NUDT1: variants seen among roughly 807,000 people sequenced by gnomAD.
NUDT1 encodes the protein oxidized purine nucleoside triphosphate hydrolase.
A neutral mutation model predicts 11.3 loss-of-function variants in NUDT1; 16 were observed. The ratio of observed to expected loss-of-function variants is 1.41; its 90% CI spans 0.96 to 2.15. The LOEUF (loss-of-function observed/expected upper bound fraction) is 2.15, where lower values mean the gene tolerates loss of function less well. Ranked by LOEUF, NUDT1 falls within the 30% of genes most tolerant of loss-of-function variation. The pLI is 0.00. For missense variants in NUDT1, 234 were observed against 208.4 expected, an observed-to-expected ratio of 1.12 and a Z score of -0.76; for synonymous variants, 101 against 84.4, an observed-to-expected ratio of 1.20 and a Z score of -1.08.
At chr7:2,249,758 C>G in intron 2 of NUDT1, 99 bp from the exon 3 acceptor site, 1 of 1,517,368 alleles carries the variant, frequency 6.6e-7, no homozygotes, top group African/African-American at 1.4e-5. Context: ...TGGTGGCTCC[C>G]TGGGCTGTGT....
rs772557320 is a variant in NUDT1 at position 2,244,722 on chromosome 7, A to G, written c.148A>G (p.Arg50Gly). Reference protein sequence around the residue: ...QEGETIEDGARRELQEESGLT... With the variant: ...QEGETIEDGAGRELQEESGLT... ...AGGAGAGACCATCGAGGATGGGGCT[A>G]GGAGGTAAGGATGGGGCAGGTCTGG... The change falls in exon 2 of 4, where the codon AGG (arginine) becomes GGG (glycine). Residue 50 changes from arginine to glycine, a missense_variant. By Grantham distance (125) the Arg-to-Gly change is moderately radical. Coordinates refer to ENST00000356714, the MANE Select transcript of NUDT1 (RefSeq NM_002452.4). The G allele has an allele frequency of 2.0e-5, 32 of 1,608,608 alleles. No individual in the cohort carries two copies. The South Asian group carries it at 2.9e-4, about 15-fold the overall frequency.
intron 1 of NUDT1, 85 bp from the exon 2 acceptor site, chr7:2,244,478 G>T: frequency 1.6e-6 from 1 of 628,610 alleles, no homozygotes; most frequent in Non-Finnish European, 2.5e-6. Context: ...CTGCCTCCCA[G>T]AGCACGTCCC....
intron 2 of NUDT1, among the ~76,000 whole-genome samples, chr7:2,248,605 G>A (rs1794861784): frequency 6.7e-6 from 1 of 148,654 alleles, no homozygotes; most frequent in African/African-American, 2.5e-5. Context: ...AGGCTGGAGT[G>A]CAGTGGAGTA....
intron 2 of NUDT1, among the ~76,000 whole-genome samples, chr7:2,247,227 G>T (rs1296007179): frequency 6.6e-6 from 1 of 152,144 alleles, no homozygotes; most frequent in Non-Finnish European, 1.5e-5. Context: ...GCTGGTTCCT[G>T]CTTTATCCAC....
intron 1 of NUDT1, chr7:2,243,181 A>G (rs1794620123): frequency 1.7e-6 from 1 of 575,300 alleles, no homozygotes; most frequent in African/African-American, 1.9e-5. Context: ...CTTGACGTCC[A>G]GCGGCTTGTG....
intron 1 of NUDT1, chr7:2,242,891 T>C: frequency 1.4e-6 from 1 of 702,528 alleles, no homozygotes; most frequent in South Asian, 1.5e-5. Context: ...CTCCCTGCCT[T>C]ATCGCAAGGA....
rs534511159 is a variant in NUDT1, at chr7:2,246,991, A to T, written c.152+2265A>T. On this transcript the variant is annotated intron_variant, in intron 2 of 3. Coordinates refer to ENST00000356714, the MANE Select transcript of NUDT1 (RefSeq NM_002452.4). ...TCTGCAAGCATGAGGAATGGGGGAC[A>T]CTGGAGCCAGACAGGCTGGTGCTTA... Among the ~76,000 whole-genome samples, 5 of 151,650 alleles carry T rather than the reference A, an allele frequency of 3.3e-5. No individual in the cohort carries two copies. In the South Asian group the frequency reaches 1.0e-3, roughly 32 times the overall value.
chr7:2,242,305 G>A, intron 1 of NUDT1, 49 bp downstream of exon 1: 1 of 835,716 alleles, frequency 1.2e-6, no homozygotes, highest in Admixed American at 3.3e-5. Flanking sequence ...GACCAGGGAG[G>A]GGAGCCGGGC....
intron 3 of NUDT1, 103 bp downstream of exon 3, chr7:2,250,105 G>C (rs1209865286): frequency 2.0e-6 from 3 of 1,464,736 alleles, no homozygotes; most frequent in Non-Finnish European, 2.8e-6. Flanking sequence ...CCAGGGACCG[G>C]GCAGCCTGCG....
chr7:2,243,584 G>A (rs963608836), intron 1 of NUDT1, among the ~76,000 whole-genome samples: 3 of 152,164 alleles, frequency 2.0e-5, no homozygotes, highest in Non-Finnish European at 2.9e-5. Context: ...ACCAGCCTGG[G>A]CAACGTGACA....
intron 2 of NUDT1, among the ~76,000 whole-genome samples, chr7:2,247,576 G>A (rs944226457): frequency 6.6e-5 from 10 of 152,310 alleles, no homozygotes; most frequent in South Asian, 2.1e-4. Context: ...ACCTCCCCAC[G>A]CCACGGACGC....
intron 3 of NUDT1, among the ~76,000 whole-genome samples, chr7:2,250,411 G>C (rs1187122910): frequency 6.6e-6 from 1 of 151,976 alleles, no homozygotes; most frequent in Non-Finnish European, 1.5e-5. Context: ...ACCAGTCTGG[G>C]CAACACAGTG....
In NUDT1 at chr7:2,251,145, G is replaced by C. The variant is rs1795008642; in HGVS notation, c.*144G>C. ...AGGGAAAATAAAGCTATCTAGCGGT[G>C]GTTTTTTTTTTTTTTTTTTGGAGAT... On this transcript the variant is annotated 3_prime_UTR_variant, in exon 4 of 4. Coordinates refer to ENST00000356714, the MANE Select transcript of NUDT1 (RefSeq NM_002452.4). 1 of 651,542 alleles carries C rather than the reference G, an allele frequency of 1.5e-6. No individual in the cohort carries two copies. Among genetic ancestry groups the C allele is most frequent in the Admixed American group, 3.1e-5 (1 of 31,952 alleles). The allele number at this position is 651,542 out of a possible 1,614,324, so 40.4% of individuals were successfully genotyped here. A position where few individuals can be genotyped will look rare whatever the true frequency, so the allele number is the denominator to read the frequency against.
At chr7:2,247,180 G>C (rs1794800796) in intron 2 of NUDT1, among the ~76,000 whole-genome samples, 1 of 152,184 alleles carries the variant, frequency 6.6e-6, no homozygotes, top group Non-Finnish European at 1.5e-5. Flanking sequence ...AGGAGCGGGA[G>C]GCAGGGAGGA....
Position 2,249,907 on chromosome 7 carries a change from G to A in NUDT1, c.203G>A (p.Gly68Asp). ...GLTVDALHKV[G>D]QIVFEFVGEP... ...ACAGTGGACGCCCTGCACAAGGTGGGCCAGATCGTGTTTGAGTTCGTGGGC... is the reference window on the plus strand; with the variant it reads ...ACAGTGGACGCCCTGCACAAGGTGGACCAGATCGTGTTTGAGTTCGTGGGC... The change falls in exon 3 of 4, where the codon GGC (glycine) becomes GAC (aspartate). Residue 68 changes from glycine to aspartate, a missense_variant. Gly to Asp is a moderately conservative substitution (Grantham distance 94). Transcript: ENST00000356714. The A allele has an allele frequency of 6.2e-7, 1 of 1,614,152 alleles. No homozygotes were observed. The highest frequency in any genetic ancestry group is 8.5e-7 in the Non-Finnish European group (1 of 1,180,024).
intron 2 of NUDT1, among the ~76,000 whole-genome samples, 190 bp downstream of exon 2, chr7:2,244,916 A>G (rs539933421): frequency 7.9e-5 from 12 of 152,332 alleles, no homozygotes; most frequent in African/African-American, 2.9e-4. Flanking sequence ...GTGAAGATAA[A>G]ATGAGGAAAT....
At chr7:2,248,497 C>A (rs1401521697) in intron 2 of NUDT1, among the ~76,000 whole-genome samples, 1 of 151,318 alleles carries the variant, frequency 6.6e-6, no homozygotes, top group African/African-American at 2.4e-5. Flanking sequence ...GTCATGCACT[C>A]CTCCTTTCTT....
At chr7:2,250,275 C>T (rs1293447540) in intron 3 of NUDT1, among the ~76,000 whole-genome samples, 32 of 151,514 alleles carry the variant, frequency 2.1e-4, no homozygotes, top group Admixed American at 2.1e-3. Flanking sequence ...CACGATCACT[C>T]AGTGAACTCC....
chr7:2,250,042 G>A, intron 3 of NUDT1, 40 bp downstream of exon 3: 1 of 1,607,152 alleles, frequency 6.2e-7, no homozygotes, highest in Non-Finnish European at 8.5e-7. Context: ...CCACTATGCG[G>A]GTCCCATCTC....
Sources: gnomAD v4.1 joint callset for allele counts (sites outside exome capture counted in the v4.1 genomes callset) on GRCh38, gnomAD v4.1.1 for gene constraint, MANE v1.5 for transcripts, NCBI Gene and HGNC (gene_info 2026-07-23, HGNC 2026-07-21) for gene names.